The following CD163 variants were observed in gnomAD, a reference collection of about 807,000 sequenced individuals.
The protein encoded by CD163 is CD163 molecule, also known as scavenger receptor cysteine-rich type 1 protein M130.
CD163 carries 64 observed loss-of-function variants against 129.2 expected under a neutral mutation model. The observed-to-expected ratio is 0.50, with a 90% CI of 0.41 to 0.61. The LOEUF (loss-of-function observed/expected upper bound fraction) is 0.61. Among genes scored for constraint, CD163 ranks in the 20% least tolerant of loss-of-function variants. The pLI is 0.00. For synonymous variants in CD163, 446 were observed against 478.5 expected (o/e 0.93, Z 0.89); for missense variants, 1,061 against 1,377.9 (o/e 0.77, Z 3.64).
intron 16 of CD163, among the ~76,000 whole-genome samples, chr12:7,477,210 C>T (rs1462895676): frequency 2.0e-5 from 3 of 151,352 alleles, no homozygotes; most frequent in African/African-American, 7.3e-5. Context: ...ACCAGAAATA[C>T]CATTTGACCC....
chr12:7,471,045 G>C lies in CD163; in HGVS notation c.*384C>G, dbSNP rs1405024111. On this transcript the variant is annotated 3_prime_UTR_variant, in exon 17 of 17. Coordinates refer to ENST00000432237, the MANE Select transcript of CD163 (RefSeq NM_203416.4). Reference sequence around the variant, plus strand: ...CAAACCAAATAAGAAAAAATATACAGTACTGTATATGCAAATTGAAACACT... The same window carrying C: ...CAAACCAAATAAGAAAAAATATACACTACTGTATATGCAAATTGAAACACT... The C allele has an allele frequency of 2.0e-5, 3 of 151,976 alleles. No homozygotes were observed. The highest frequency in any genetic ancestry group is 4.4e-5 in the Non-Finnish European group (3 of 68,004). The allele number at this position is 151,976 out of a possible 1,614,324, so 9.4% of individuals were successfully genotyped here.
chr12:7,496,790 G>A lies in CD163; in HGVS notation c.1099+23C>T, dbSNP rs754898667. On this transcript the variant is annotated intron_variant, in intron 5 of 16. Transcript: ENST00000432237. This position sits in a 1 kb window ranked among gnomAD's most constrained non-coding sequence, Gnocchi z 4.8. Reference sequence around the variant, plus strand: ...GCTTTTCTTTTTGTTTAGTGTTTTGGTTTTGGTTTGGTTTTAACTTACCAG... The same window carrying A: ...GCTTTTCTTTTTGTTTAGTGTTTTGATTTTGGTTTGGTTTTAACTTACCAG... 4.4e-6 allele frequency: 7 copies of A among 1,609,020 alleles called. No homozygotes were observed. The East Asian group carries it at 1.6e-4, about 36-fold the overall frequency.
At position 7,498,920 on chromosome 12, in the gene CD163, T is replaced by C. The variant is rs1949439686; in HGVS notation, c.726A>G (p.Gly242=). Reference sequence around the variant, plus strand: ...CATGATCACAGTTATGCTTTCCCCATCCTTGATGTTTGCAGTTCCAGAGAG... The same window carrying C: ...CATGATCACAGTTATGCTTTCCCCACCCTTGATGTTTGCAGTTCCAGAGAG... The part of the protein sequence containing the change: ...ESALWNCKHQ[G]WGKHNCDHAE... Residue 242 remains glycine (G), a synonymous_variant, in exon 4 of 17, where the codon GGA becomes GGG. Transcript: ENST00000432237. The C allele has an allele frequency of 1.9e-6, 3 of 1,614,012 alleles. No individual in the cohort carries two copies. Among genetic ancestry groups the C allele is most frequent in the Non-Finnish European group, 2.5e-6 (3 of 1,180,010 alleles).
intron 13 of CD163, 78 bp downstream of exon 13, chr12:7,482,888 C>T (rs1203103268): frequency 1.3e-6 from 2 of 1,589,114 alleles, no homozygotes; most frequent in East Asian, 4.5e-5. Context: ...CTCAGAACGT[C>T]TGACCTAAAA....
intron 4 of CD163, among the ~76,000 whole-genome samples, chr12:7,498,192 A>AT (rs747111101): frequency 3.1e-4 from 47 of 151,684 alleles, no homozygotes; most frequent in African/African-American, 1.1e-3. Flanking sequence ...GAAGATAGGG[A>AT]TTTTTTACTC....
intron 4 of CD163, among the ~76,000 whole-genome samples, chr12:7,498,150 G>C (rs763126653): frequency 0.066 from 9,701 of 146,360 alleles, 334 homozygotes; most frequent in African/African-American, 0.099. Context: ...CACACACAGA[G>C]AGAGAGAGAG....
At position 7,483,355 on chromosome 12, in the gene CD163, T is replaced by G. The variant is rs1325840614; in HGVS notation, c.3088+12A>C. The stretch of plus-strand genomic sequence containing the variant: ...AGAGATTCCAAGCTCAATCCAGGCT[T>G]CTGGCACTTACCTGTGCAATTCACT... On this transcript the variant is annotated intron_variant, in intron 12 of 16. Coordinates refer to ENST00000432237, the MANE Select transcript of CD163 (RefSeq NM_203416.4). 1 of 1,603,668 alleles carries G rather than the reference T, an allele frequency of 6.2e-7. No individual in the cohort carries two copies. Among genetic ancestry groups the G allele is most frequent in the East Asian group, 2.2e-5 (1 of 44,768 alleles).
intron 4 of CD163, among the ~76,000 whole-genome samples, chr12:7,497,614 A>G (rs1442571459): frequency 6.6e-6 from 1 of 152,164 alleles, no homozygotes; most frequent in African/African-American, 2.4e-5. Flanking sequence ...AGCAGAGCAA[A>G]GAGAAAGGAG....
chr12:7,497,201 C>T, intron 4 of CD163, 68 bp from the exon 5 acceptor site: 1 of 1,293,034 alleles, frequency 7.7e-7, no homozygotes, highest in Non-Finnish European at 1.1e-6. Flanking sequence ...ATAGCTATAC[C>T]TGAGATGAGT....
chr12:7,484,946 G>A (rs958753325), intron 11 of CD163, 150 bp downstream of exon 11: 4 of 696,502 alleles, frequency 5.7e-6, no homozygotes, highest in Non-Finnish European at 9.8e-6. Flanking sequence ...AGGTAGAATA[G>A]ATATTACCCA....
Position 7,488,075 on chromosome 12 carries a change from G to A in CD163, c.1433C>T (p.Pro478Leu). The A allele has an allele frequency of 6.2e-7, 1 of 1,610,282 alleles. No individual in the cohort carries two copies. The highest frequency in any genetic ancestry group is 8.5e-7 in the Non-Finnish European group (1 of 1,178,514). ...GGGAATGTCCCCTCCAACCAGTCTG[G>A]GTTCCCTGTGGGCTGAAAAATAAAT... ...AKITCSAHREPRLVGGDIPCS... is the reference protein window; with the variant it reads ...AKITCSAHRELRLVGGDIPCS... Residue 478 changes from proline to leucine, a missense_variant, in exon 7 of 17, where the codon CCC becomes CTC. By Grantham distance (98) the Pro-to-Leu change is moderately conservative. Transcript: ENST00000432237.
chr12:7,485,050 G>C lies in CD163; in HGVS notation c.2779+46C>G. The C allele has an allele frequency of 1.4e-6, 2 of 1,466,382 alleles. No individual in the cohort carries two copies. Among genetic ancestry groups the C allele is most frequent in the Non-Finnish European group, 1.8e-6 (2 of 1,082,404 alleles). 90.8% of individuals were successfully genotyped at this position (1,466,382 alleles called of 1,614,324 possible). A position where few individuals can be genotyped will look rare whatever the true frequency, so the allele number is the denominator to read the frequency against. Reference sequence around the variant, plus strand: ...CAGTGTCCATTATCAGAAGATGATAGCGGGGCTGCAGAATGGAATTTTCAT... The same window carrying C: ...CAGTGTCCATTATCAGAAGATGATACCGGGGCTGCAGAATGGAATTTTCAT... On this transcript the variant is annotated intron_variant, in intron 11 of 16. Coordinates refer to ENST00000432237, the MANE Select transcript of CD163 (RefSeq NM_203416.4). This position sits in a 1 kb window ranked among gnomAD's most constrained non-coding sequence, Gnocchi z 4.5.
intron 6 of CD163, among the ~76,000 whole-genome samples, chr12:7,488,881 C>G (rs1219630740): frequency 6.6e-6 from 1 of 152,102 alleles, no homozygotes; most frequent in African/African-American, 2.4e-5. Context: ...CTAAAATTGA[C>G]CCACTTTATC....
chr12:7,499,436 G>A (rs894712010), intron 3 of CD163, among the ~76,000 whole-genome samples: 1 of 152,038 alleles, frequency 6.6e-6, no homozygotes, highest in African/African-American at 2.4e-5. Flanking sequence ...TTTCTGTTTT[G>A]TTTTGTTTCC....
intron 3 of CD163, 86 bp downstream of exon 3, chr12:7,501,053 G>T (rs1949477428): frequency 9.1e-7 from 1 of 1,098,210 alleles, no homozygotes; most frequent in Non-Finnish European, 1.4e-6. Flanking sequence ...TTACAGGAAA[G>T]TGGCTTATTC....
chr12:7,482,922 G>A, intron 13 of CD163, 44 bp downstream of exon 13: 3 of 1,600,414 alleles, frequency 1.9e-6, no homozygotes, highest in Non-Finnish European at 1.7e-6. Context: ...AAAATTCTAT[G>A]TATGCAGATA....
At chr12:7,497,216 GA>G in intron 4 of CD163, 83 bp from the exon 5 acceptor site, 1 of 1,096,582 alleles carries the variant, frequency 9.1e-7, no homozygotes, top group Non-Finnish European at 1.3e-6. Flanking sequence ...ATGAGTTAAG[GA>G]AAAGGGGAGA....
chr12:7,483,961 C>G (rs927845497), intron 11 of CD163, among the ~76,000 whole-genome samples: 1 of 150,342 alleles, frequency 6.7e-6, no homozygotes, highest in African/African-American at 2.4e-5. Flanking sequence ...CTGCCTCAGC[C>G]TCCCAAGTAG....
rs1360990213 is a variant in CD163, at chr12:7,486,531, C to A, written c.2426G>T (p.Arg809Met). ...HSHGWGQQNCRHKEDAGVICS... is the reference protein window; with the variant it reads ...HSHGWGQQNCMHKEDAGVICS... Reference sequence around the variant, plus strand: ...GATAACTCCCGCATCCTCCTTGTGCCTGCAATTTTGCTGCCCCCAGCCGTG... The same window carrying A: ...GATAACTCCCGCATCCTCCTTGTGCATGCAATTTTGCTGCCCCCAGCCGTG... The change falls in exon 10 of 17, where the codon AGG becomes ATG. Residue 809 changes from arginine (R) to methionine (M), a missense_variant. Coordinates refer to ENST00000432237, the MANE Select transcript of CD163 (RefSeq NM_203416.4). 6.2e-7 allele frequency: 1 copy of A among 1,614,084 alleles called. No individual in the cohort carries two copies. The highest frequency in any genetic ancestry group is 1.7e-5 in the Admixed American group (1 of 60,008).
Sources: gnomAD v4.1 joint callset for allele counts (sites outside exome capture counted in the v4.1 genomes callset) on GRCh38, gnomAD v4.1.1 for gene constraint, Gnocchi (gnomAD v3.1) non-coding constraint, MANE v1.5 for transcripts, NCBI Gene and HGNC (gene_info 2026-07-23, HGNC 2026-07-21) for gene names.